The following ACAD9 variants were observed in gnomAD, a reference collection of about 807,000 sequenced individuals.
ACAD9 encodes the protein acyl-CoA dehydrogenase family member 9.
Under a neutral mutation model 70.2 loss-of-function variants are expected in ACAD9, and 53 were observed. The ratio of observed to expected loss-of-function variants is 0.75; its 90% CI spans 0.61 to 0.95. The LOEUF is 0.95. Ranked by LOEUF, ACAD9 falls within the 40% of genes least tolerant of loss-of-function variation. The pLI, the probability that ACAD9 is intolerant of heterozygous loss-of-function variation, is 0.00. For synonymous variants in ACAD9, 313 were observed against 312.1 expected, an observed-to-expected ratio of 1.00 and a Z score of -0.03; for missense variants, 777 against 802.8, an observed-to-expected ratio of 0.97 and a Z score of 0.39.
In ACAD9 at chr3:128,897,726, C is replaced by T. The variant is rs780008933; in HGVS notation, c.633+16C>T. On this transcript the variant is annotated intron_variant, in intron 6 of 17. Transcript: ENST00000308982. ...TGGCTCCAAGGTAGGGTTCCTTCCC[C>T]ATGGCCACATTAGGGTCTCAGTCAC... 3.7e-6 allele frequency: 6 copies of T among 1,610,398 alleles called. No individual in the cohort carries two copies. Among genetic ancestry groups the T allele is most frequent in the Non-Finnish European group, 5.1e-6 (6 of 1,177,980 alleles).
chr3:128,885,460 C>T (rs1305622634), intron 2 of ACAD9, among the ~76,000 whole-genome samples: 5 of 152,182 alleles, frequency 3.3e-5, no homozygotes, highest in African/African-American at 1.2e-4. Flanking sequence ...GGTACCATCT[C>T]ATCTCACCAC....
intron 2 of ACAD9, among the ~76,000 whole-genome samples, chr3:128,889,688 T>C (rs560186504): frequency 1.5e-3 from 226 of 152,362 alleles, no homozygotes; most frequent in Non-Finnish European, 2.2e-3. Context: ...AGTGGCTTCC[T>C]TTTTAATGCT....
rs561174690 is a variant in ACAD9 at position 128,897,619 on chromosome 3, T to C, written c.555-13T>C. 1.2e-6 allele frequency: 2 copies of C among 1,611,306 alleles called. No individual in the cohort carries two copies. The highest frequency in any genetic ancestry group is 1.3e-5 in the African/African-American group (1 of 74,996). Reference sequence around the variant, plus strand: ...CAGTATTCTCCCTTGACCACATCTTTCTGCATCTGCAGTGGGAGCGATGCA... The same window carrying C: ...CAGTATTCTCCCTTGACCACATCTTCCTGCATCTGCAGTGGGAGCGATGCA... On this transcript the variant is annotated splice_polypyrimidine_tract_variant and intron_variant, in intron 5 of 17. Coordinates refer to ENST00000308982, the MANE Select transcript of ACAD9 (RefSeq NM_014049.5).
intron 2 of ACAD9, among the ~76,000 whole-genome samples, chr3:128,887,634 A>T (rs138877082): frequency 0.087 from 11,663 of 133,626 alleles, 564 homozygotes; most frequent in South Asian, 0.13. Flanking sequence ...TAAAAATAAA[A>T]AAATAAATAA....
chr3:128,909,333 T>G lies in ACAD9; in HGVS notation c.1486-11T>G. 2 of 1,614,128 alleles carry G rather than the reference T, an allele frequency of 1.2e-6. No homozygotes were observed. Among genetic ancestry groups the G allele is most frequent in the Non-Finnish European group, 1.7e-6 (2 of 1,179,974 alleles). ...ATGAGGTGCTGAACTGAGTCCTGTC[T>G]TGGTTAATAGGACAGTGCCAACAAG... On this transcript the variant is annotated splice_polypyrimidine_tract_variant and intron_variant, in intron 14 of 17. Coordinates refer to ENST00000308982, the MANE Select transcript of ACAD9 (RefSeq NM_014049.5).
intron 1 of ACAD9, among the ~76,000 whole-genome samples, chr3:128,881,110 C>T (rs182205859): frequency 2.1e-4 from 32 of 152,286 alleles, no homozygotes; most frequent in Admixed American, 1.4e-3. Context: ...AGCAACTTTA[C>T]AGATGAAGAA....
intron 13 of ACAD9, chr3:128,908,619 C>T: frequency 1.9e-6 from 1 of 539,046 alleles, no homozygotes; most frequent in Non-Finnish European, 3.3e-6. Flanking sequence ...CTTCTCTGCC[C>T]TTCTTCCCCT....
At chr3:128,890,622 A>C (rs1935392227) in intron 2 of ACAD9, among the ~76,000 whole-genome samples, 1 of 151,696 alleles carries the variant, frequency 6.6e-6, no homozygotes, top group Non-Finnish European at 1.5e-5. Context: ...GAATGGCGTG[A>C]ACCCGGGAGG....
intron 6 of ACAD9, among the ~76,000 whole-genome samples, chr3:128,898,950 A>G (rs1935649734): frequency 6.6e-6 from 1 of 152,174 alleles, no homozygotes; most frequent in African/African-American, 2.4e-5. Flanking sequence ...ATGTTTTTAT[A>G]TATGTATACC....
chr3:128,910,077 G>A lies in ACAD9; in HGVS notation c.1620G>A (p.Leu540=). 1.9e-6 allele frequency: 3 copies of A among 1,614,060 alleles called. No individual in the cohort carries two copies. Among genetic ancestry groups the A allele is most frequent in the Non-Finnish European group, 2.5e-6 (3 of 1,180,020 alleles). The part of the protein sequence containing the change: ...LKRVANILIN[L]YGMTAVLSRA... ...GGGTGGCCAACATCCTCATCAACCT[G>A]TATGGCATGACGGCCGTGCTGTCGC... The change falls in exon 16 of 18, where the codon CTG becomes CTA. Residue 540 remains leucine (L), a synonymous_variant. Coordinates refer to ENST00000308982, the MANE Select transcript of ACAD9 (RefSeq NM_014049.5).
rs143234580 is a variant in ACAD9 at position 128,879,685 on chromosome 3, G to A, written c.-7G>A. ...ACTGAGGCTGAGGCTGGGGAACATC[G>A]GGCAGCATGAGCGGCTGCGGGCTCT... is the stretch of plus-strand genomic sequence containing the variant. On this transcript the variant is annotated 5_prime_UTR_variant, in exon 1 of 18. Coordinates refer to ENST00000308982, the MANE Select transcript of ACAD9 (RefSeq NM_014049.5). The A allele has an allele frequency of 1.5e-5, 24 of 1,612,234 alleles. No individual in the cohort carries two copies. In the African/African-American group the frequency reaches 2.3e-4, roughly 15 times the overall value.
Position 128,912,888 on chromosome 3 carries a change from G to A in ACAD9, c.*281G>A. Reference sequence around the variant, plus strand: ...TGGCGGGTATTCTGGTCATTGAGGAGACACCATAGTGGAAACTGGGGCTTA... The same window carrying A: ...TGGCGGGTATTCTGGTCATTGAGGAAACACCATAGTGGAAACTGGGGCTTA... On this transcript the variant is annotated 3_prime_UTR_variant, in exon 18 of 18. Coordinates refer to ENST00000308982, the MANE Select transcript of ACAD9 (RefSeq NM_014049.5). 2 of 596,064 alleles carry A rather than the reference G, an allele frequency of 3.4e-6. No homozygotes were observed. Among genetic ancestry groups the A allele is most frequent in the Non-Finnish European group, 6.4e-6 (2 of 311,894 alleles). 36.9% of individuals were successfully genotyped at this position (596,064 alleles called of 1,614,324 possible).
intron 1 of ACAD9, chr3:128,880,252 C>T (rs1935048558): frequency 5.7e-6 from 2 of 352,638 alleles, no homozygotes; most frequent in South Asian, 2.3e-5. Flanking sequence ...CAGGTGAGCC[C>T]AGCGCCTCTC....
chr3:128,912,465 G>C (rs184945177), intron 17 of ACAD9, 42 bp from the exon 18 acceptor site: 1 of 1,562,792 alleles, frequency 6.4e-7, no homozygotes, highest in South Asian at 1.1e-5. Context: ...GTCTTATCAC[G>C]GTGCAGAAAG....
In ACAD9 at chr3:128,906,193, A is replaced by G. The variant is rs1420423143; in HGVS notation, c.1222A>G (p.Arg408Gly). 7.4e-6 allele frequency: 12 copies of G among 1,614,074 alleles called. No individual in the cohort carries two copies. The highest frequency in any genetic ancestry group is 1.0e-5 in the Non-Finnish European group (12 of 1,180,038). ...GATCCTCGGGGGCTTGGGCTACACA[A>G]GGGACTATCCGTACGAGCGCATACT... ...LQILGGLGYT[R>G]DYPYERILRD... The change falls in exon 12 of 18, where the codon AGG (arginine) becomes GGG (glycine). Residue 408 changes from arginine to glycine, a missense_variant. By Grantham distance (125) the Arg-to-Gly change is moderately radical (BLOSUM62 -2). Transcript: ENST00000308982.
intron 13 of ACAD9, 132 bp from the exon 14 acceptor site, chr3:128,908,841 G>T (rs1029349004): frequency 2.1e-6 from 3 of 1,454,484 alleles, no homozygotes; most frequent in Non-Finnish European, 2.8e-6. Context: ...GGGGGTTCAG[G>T]CTGTAGCCAG....
intron 1 of ACAD9, among the ~76,000 whole-genome samples, chr3:128,883,435 G>A (rs1256016633): frequency 1.3e-5 from 2 of 151,054 alleles, no homozygotes; most frequent in Admixed American, 6.6e-5. Context: ...TCGGCTCACT[G>A]CAACCTCCAC....
intron 2 of ACAD9, among the ~76,000 whole-genome samples, chr3:128,891,177 C>T (rs887459864): frequency 1.3e-5 from 2 of 152,080 alleles, no homozygotes; most frequent in African/African-American, 4.8e-5. Flanking sequence ...CTTGTAGTTA[C>T]CCATGTAGTT....
intron 11 of ACAD9, 100 bp downstream of exon 11, chr3:128,904,605 C>T (rs1935834902): frequency 4.6e-6 from 7 of 1,525,020 alleles, no homozygotes; most frequent in South Asian, 1.2e-5. Context: ...TCATCTTCCT[C>T]CTGTCATTGA....
Sources: allele counts gnomAD v4.1 joint callset (sites outside exome capture counted in the v4.1 genomes callset), GRCh38; gene constraint gnomAD v4.1.1; transcripts MANE v1.5; gene names NCBI Gene and HGNC (gene_info 2026-07-23, HGNC 2026-07-21).